SLC7A11: variants seen among roughly 807,000 people sequenced by gnomAD.
SLC7A11 encodes cystine/glutamate transporter.
Under a neutral mutation model 54.5 loss-of-function variants are expected in SLC7A11, and 35 were observed. That is an observed-to-expected ratio of 0.64 (90% CI 0.49 to 0.85). The LOEUF is 0.85. Among genes scored for constraint, SLC7A11 ranks in the 40% least tolerant of loss-of-function variants. The pLI is 0.00. For missense variants in SLC7A11, 583 were observed against 618.1 expected, an observed-to-expected ratio of 0.94 and a Z score of 0.60; for synonymous variants, 230 against 225.2, an observed-to-expected ratio of 1.02 and a Z score of -0.19.
In SLC7A11 at chr4:138,173,912, G is replaced by A. The variant is rs528384819; in HGVS notation, c.1445-1895C>T. On this transcript the variant is annotated intron_variant, in intron 11 of 11. Transcript: ENST00000280612. ...ACTTATTCTATAAAAATAGGCATTT[G>A]TGGGAAAAGGAAATATTAATAAATA... is the stretch of plus-strand genomic sequence containing the variant. Among the ~76,000 whole-genome samples the A allele has an allele frequency of 7.8e-4, 118 of 152,244 alleles. 1 individual carries two copies. The highest frequency in any genetic ancestry group is 1.4e-3 in the Non-Finnish European group (96 of 68,008).
chr4:138,213,547 C>CTCTCTCTG (rs1173131469), intron 6 of SLC7A11, among the ~76,000 whole-genome samples: 1 of 150,674 alleles, frequency 6.6e-6, no homozygotes, highest in Non-Finnish European at 1.5e-5. Flanking sequence ...CTCTCTCTAT[C>CTCTCTCTG]TCTCTCTCTC....
intron 6 of SLC7A11, among the ~76,000 whole-genome samples, chr4:138,207,818 T>A (rs547302057): frequency 6.6e-6 from 1 of 152,168 alleles, no homozygotes; most frequent in Non-Finnish European, 1.5e-5. Flanking sequence ...CTACAACACA[T>A]TTGGGCAAGA....
intron 1 of SLC7A11, among the ~76,000 whole-genome samples, chr4:138,238,517 T>TA (rs369631810): frequency 4.6e-5 from 7 of 152,334 alleles, no homozygotes; most frequent in African/African-American, 1.4e-4. Context: ...ATAATTTGGA[T>TA]ATTCAGTGAA....
rs1736375355 is a variant in SLC7A11 at position 138,170,206 on chromosome 4, T to TGC, written c.*1749_*1750insGC. On this transcript the variant is annotated 3_prime_UTR_variant, in exon 12 of 12. Coordinates refer to ENST00000280612, the MANE Select transcript of SLC7A11 (RefSeq NM_014331.4). ...TATTACTCTCATTTGTAAGTTCCAC[T>TGC]ATATATATATATATATATATATAAA... 2.8e-5 allele frequency: 1 copy of TGC among 35,812 alleles called. No individual in the cohort carries two copies. The highest frequency in any genetic ancestry group is 8.9e-5 in the African/African-American group (1 of 11,268). 2.2% of individuals were successfully genotyped at this position (35,812 alleles called of 1,614,324 possible). A position where few individuals can be genotyped will look rare whatever the true frequency, so the allele number is the denominator to read the frequency against.
intron 6 of SLC7A11, among the ~76,000 whole-genome samples, chr4:138,203,458 A>G (rs542990075): frequency 6.6e-6 from 1 of 152,180 alleles, no homozygotes; most frequent in East Asian, 1.9e-4. Flanking sequence ...TCATTAAAAA[A>G]AGATAGCTCT....
chr4:138,193,214 C>T (rs191715229), intron 6 of SLC7A11, among the ~76,000 whole-genome samples: 4 of 152,244 alleles, frequency 2.6e-5, no homozygotes, highest in Admixed American at 2.6e-4. Context: ...AAGGCAAGTG[C>T]AACTAATATT....
Position 138,242,082 on chromosome 4 carries a change from C to CG in SLC7A11, c.-14dup, listed in dbSNP as rs754676343. On this transcript the variant is annotated 5_prime_UTR_variant, in exon 1 of 12. Coordinates refer to ENST00000280612, the MANE Select transcript of SLC7A11 (RefSeq NM_014331.4). ...GCTTTCTGACCATAGTAGGGACACA[C>CG]GGGGGAAAAATAAAACAGAGGGAAA... is the stretch of plus-strand genomic sequence containing the variant. 3.7e-6 allele frequency: 6 copies of CG among 1,611,930 alleles called. No individual in the cohort carries two copies. Among genetic ancestry groups the CG allele is most frequent in the Middle Eastern group, 3.3e-4 (2 of 6,078 alleles).
At chr4:138,216,067 C>T (rs182441419) in intron 5 of SLC7A11, among the ~76,000 whole-genome samples, 1 of 152,298 alleles carries the variant, frequency 6.6e-6, no homozygotes, top group East Asian at 1.9e-4. Context: ...GGGAAATCCA[C>T]CTTTACGTTC....
intron 6 of SLC7A11, among the ~76,000 whole-genome samples, chr4:138,211,904 T>C (rs2148437019): frequency 6.6e-6 from 1 of 151,974 alleles, no homozygotes; most frequent in South Asian, 2.1e-4. Flanking sequence ...GTAATGAAGA[T>C]AAGTTGGTTA....
At chr4:138,173,456 G>C (rs1271739372) in intron 11 of SLC7A11, among the ~76,000 whole-genome samples, 1 of 151,916 alleles carries the variant, frequency 6.6e-6, no homozygotes, top group Non-Finnish European at 1.5e-5. Context: ...CTAACATGGA[G>C]AAACCCCATC....
At chr4:138,225,138 CTATA>C (rs36216785) in intron 3 of SLC7A11, among the ~76,000 whole-genome samples, 27,154 of 118,002 alleles carry the variant, frequency 0.23, 2,986 homozygotes, top group Middle Eastern at 0.3. Context: ...AATAATTTCA[CTATA>C]TATATATATA....
At chr4:138,223,077 T>C (rs1427485172) in intron 4 of SLC7A11, 122 bp downstream of exon 4, 9 of 851,908 alleles carry the variant, frequency 1.1e-5, no homozygotes, top group East Asian at 2.6e-5. Context: ...GATGACAATA[T>C]AGAGTTTAAG....
In SLC7A11 at chr4:138,171,684, G is replaced by GTCTT. The variant is rs1242324306; in HGVS notation, c.*268_*271dup. 2.6e-6 allele frequency: 1 copy of GTCTT among 379,290 alleles called. No homozygotes were observed. The highest frequency in any genetic ancestry group is 4.7e-6 in the Non-Finnish European group (1 of 213,596). 23.5% of individuals were successfully genotyped at this position (379,290 alleles called of 1,614,324 possible). A position where few individuals can be genotyped will look rare whatever the true frequency, so the allele number is the denominator to read the frequency against. On this transcript the variant is annotated 3_prime_UTR_variant, in exon 12 of 12. Coordinates refer to ENST00000280612, the MANE Select transcript of SLC7A11 (RefSeq NM_014331.4). ...AGAATGACCACATAGTAATTGTCTAGTCTTTTCTCCTAACCCCAATAGGTA... is the reference window on the plus strand; with the variant it reads ...AGAATGACCACATAGTAATTGTCTAGTCTTTCTTTTCTCCTAACCCCAATAGGTA...
chr4:138,237,723 ATATATATATATATATTTTTTTTTTTTTT>A (rs1560742547), intron 1 of SLC7A11, among the ~76,000 whole-genome samples: 6 of 7,870 alleles, frequency 7.6e-4, no homozygotes, highest in Admixed American at 2.5e-3. Context: ...ATATATATAT[ATATATATATATATATTTTTTTTTTTTTT>A]TTTTTTTTTT....
Position 138,205,898 on chromosome 4 carries a change from T to A in SLC7A11, c.791+8687A>T, listed in dbSNP as rs143765493. Among the ~76,000 whole-genome samples the A allele has an allele frequency of 1.7e-3, 255 of 152,168 alleles. 2 individuals carry two copies. The highest frequency in any genetic ancestry group is 5.7e-3 in the African/African-American group (237 of 41,564). ...ATCTCTGGTGTACTTTATTTAACTC[T>A]CATTTTGGTTGTTATCTATTGCAGT... On this transcript the variant is annotated intron_variant, in intron 6 of 11. Transcript: ENST00000280612.
intron 6 of SLC7A11, among the ~76,000 whole-genome samples, chr4:138,201,519 C>T (rs191703316): frequency 6.6e-6 from 1 of 152,176 alleles, no homozygotes; most frequent in Admixed American, 6.6e-5. Context: ...TGAAAAACAA[C>T]CTCCAGCATT....
intron 6 of SLC7A11, among the ~76,000 whole-genome samples, chr4:138,213,717 C>T (rs1335307569): frequency 2.0e-5 from 3 of 152,064 alleles, no homozygotes; most frequent in African/African-American, 7.2e-5. Context: ...GTACCAATCA[C>T]ACTGTTACAT....
At chr4:138,180,562 C>CA in intron 10 of SLC7A11, 79 bp downstream of exon 10, 1 of 1,427,712 alleles carries the variant, frequency 7.0e-7, no homozygotes, top group East Asian at 2.4e-5. Context: ...CCAACCTCCC[C>CA]ATCAGCAAGT....
At chr4:138,219,174 C>T (rs1413672086) in intron 5 of SLC7A11, 92 bp downstream of exon 5, 1 of 732,466 alleles carries the variant, frequency 1.4e-6, no homozygotes, top group Non-Finnish European at 2.4e-6. Flanking sequence ...TGGCTATTCA[C>T]ATTTGCCTGG....
Sources: allele counts gnomAD v4.1 joint callset (sites outside exome capture counted in the v4.1 genomes callset), GRCh38; gene constraint gnomAD v4.1.1; transcripts MANE v1.5; gene names NCBI Gene and HGNC (gene_info 2026-07-23, HGNC 2026-07-21).